The following DPP6 variants were observed in gnomAD, a reference collection of about 807,000 sequenced individuals.
DPP6 encodes dipeptidyl peptidase like 6, also known as A-type potassium channel modulatory protein DPP6.
In DPP6, 69 loss-of-function variants were observed where a neutral mutation model predicts 122.6. That is an observed-to-expected ratio of 0.56 (90% CI 0.46 to 0.69). DPP6 has a LOEUF of 0.69. Ranked by LOEUF, DPP6 falls within the 30% of genes least tolerant of loss-of-function variation. The pLI, the probability that DPP6 is intolerant of heterozygous loss-of-function variation, is 0.00. For missense variants in DPP6, 928 were observed against 1,116.9 expected, an observed-to-expected ratio of 0.83 and a Z score of 2.41; for synonymous variants, 418 against 433.1, an observed-to-expected ratio of 0.97 and a Z score of 0.43.
chr7:154,202,458 T>C (rs1040232648), intron 1 of DPP6, among the ~76,000 whole-genome samples: 1 of 152,134 alleles, frequency 6.6e-6, no homozygotes, highest in Non-Finnish European at 1.5e-5. Context: ...TTAGTAATAA[T>C]CATATATTTT....
At position 154,180,477 on chromosome 7, in the gene DPP6, ATGT is replaced by A. The variant is rs1364764170; in HGVS notation, c.243+127416_243+127418del. Reference sequence around the variant, plus strand: ...TTATATATAGATATATATTTATATAATGTTATATAAATAGATATAGATATATAA... The same window carrying A: ...TTATATATAGATATATATTTATATAATATATAAATAGATATAGATATATAA... On this transcript the variant is annotated intron_variant, in intron 1 of 25. Coordinates refer to ENST00000377770, the MANE Select transcript of DPP6 (RefSeq NM_130797.4). Among the ~76,000 whole-genome samples the A allele has an allele frequency of 4.1e-5, 6 of 145,876 alleles. No homozygotes were observed. The South Asian group carries it at 6.3e-4, about 15-fold the overall frequency.
intron 1 of DPP6, among the ~76,000 whole-genome samples, chr7:154,189,772 A>C (rs1692216020): frequency 6.6e-6 from 1 of 152,116 alleles, no homozygotes; most frequent in Admixed American, 6.5e-5. Context: ...GTTTCAGTGT[A>C]TATCTTTCCA....
intron 16 of DPP6, among the ~76,000 whole-genome samples, chr7:154,838,224 T>C (rs950008251): frequency 1.3e-5 from 2 of 152,216 alleles, no homozygotes; most frequent in Non-Finnish European, 2.9e-5. Flanking sequence ...GTCAGGAATG[T>C]TTTTAGATTC....
intron 7 of DPP6, among the ~76,000 whole-genome samples, chr7:154,691,978 G>A (rs1335513268): frequency 2.0e-5 from 1 of 50,990 alleles, no homozygotes; most frequent in Non-Finnish European, 4.3e-5. Flanking sequence ...CACACGTTGG[G>A]TGGAAACCCA....
chr7:154,228,179 T>C (rs1372813504), intron 1 of DPP6, among the ~76,000 whole-genome samples: 1 of 152,222 alleles, frequency 6.6e-6, no homozygotes, highest in Non-Finnish European at 1.5e-5. Flanking sequence ...TCAAAGTGAA[T>C]CTGACACTTC....
the DPP6 span, among the ~76,000 whole-genome samples, chr7:153,827,823 G>A: frequency 1.3e-5 from 2 of 152,124 alleles, no homozygotes; most frequent in East Asian, 1.9e-4. Flanking sequence ...CAGGGGCTGC[G>A]CTCCCCGTGG....
At chr7:153,771,580 T>C in the DPP6 span, among the ~76,000 whole-genome samples, 1 of 152,164 alleles carries the variant, frequency 6.6e-6, no homozygotes, top group Non-Finnish European at 1.5e-5. Context: ...GCTGAAGTGA[T>C]CCACCTGCCT....
chr7:153,977,889 C>T (rs1796391665), intron 1 of DPP6, among the ~76,000 whole-genome samples: 1 of 151,986 alleles, frequency 6.6e-6, no homozygotes, highest in East Asian at 1.9e-4. Flanking sequence ...CGAACTCATT[C>T]TTTTTATGGC....
intron 1 of DPP6, among the ~76,000 whole-genome samples, chr7:153,908,914 G>A (rs748729143): frequency 1.3e-5 from 2 of 151,694 alleles, no homozygotes; most frequent in South Asian, 2.1e-4. Flanking sequence ...CCACCATGCC[G>A]GGCTAATTTT....
intron 10 of DPP6, among the ~76,000 whole-genome samples, chr7:154,774,327 A>G (rs1033088099): frequency 1.3e-5 from 2 of 152,308 alleles, no homozygotes; most frequent in African/African-American, 2.4e-5. Flanking sequence ...CTAAAGTTCC[A>G]TATATTTTAT....
intron 7 of DPP6, among the ~76,000 whole-genome samples, chr7:154,670,446 G>A (rs1838485829): frequency 6.6e-6 from 1 of 152,254 alleles, no homozygotes; most frequent in Admixed American, 6.5e-5. Context: ...GTAGGCAGCA[G>A]CCCAGCCATG....
At chr7:154,417,661 A>T (rs866036870) in intron 1 of DPP6, among the ~76,000 whole-genome samples, 1 of 152,078 alleles carries the variant, frequency 6.6e-6, no homozygotes, top group Non-Finnish European at 1.5e-5. Context: ...CGGACAGTTC[A>T]TTCATCTTAT....
In DPP6 at chr7:154,564,962, G is replaced by C. The variant is rs546436100; in HGVS notation, c.553-1880G>C. On this transcript the variant is annotated intron_variant, in intron 4 of 25. Transcript: ENST00000377770. ...TTTTGCATGTTTGTAACTTACACTG[G>C]TGATCTCACTGTTGAAAGTGGGTCC... Among the ~76,000 whole-genome samples, 3 of 152,182 alleles carry C rather than the reference G, an allele frequency of 2.0e-5. No homozygotes were observed. In the East Asian group the frequency reaches 5.8e-4, roughly 29 times the overall value.
chr7:154,773,018 G>T, intron 10 of DPP6, 76 bp downstream of exon 10: 1 of 1,410,908 alleles, frequency 7.1e-7, no homozygotes, highest in East Asian at 2.6e-5. Context: ...GTCTCTTCTG[G>T]ATCAGATTTA....
chr7:154,800,085 C>G lies in DPP6; in HGVS notation c.1300-1270C>G, dbSNP rs866900860. Among the ~76,000 whole-genome samples, 9 of 152,322 alleles carry G rather than the reference C, an allele frequency of 5.9e-5. No individual in the cohort carries two copies. The South Asian group carries it at 1.9e-3, about 32-fold the overall frequency. ...CCCAGAAAACTGAAGGAATATAGCG[C>G]TACCCGCCGCACAGTTGGCAAATAG... On this transcript the variant is annotated intron_variant, in intron 12 of 25. Coordinates refer to ENST00000377770, the MANE Select transcript of DPP6 (RefSeq NM_130797.4).
intron 5 of DPP6, chr7:154,588,372 C>G (rs150284515): frequency 7.2e-6 from 3 of 418,286 alleles, no homozygotes; most frequent in South Asian, 4.7e-5. Context: ...TGATGTTGGC[C>G]GACTGTGTCT....
At chr7:153,962,997 C>T (rs868101764) in intron 1 of DPP6, among the ~76,000 whole-genome samples, 5 of 152,242 alleles carry the variant, frequency 3.3e-5, no homozygotes, top group African/African-American at 4.8e-5. Context: ...GACTCTCCTA[C>T]GAAGACTAAA....
chr7:154,092,892 T>G (rs983440358), intron 1 of DPP6: 7 of 152,164 alleles, frequency 4.6e-5, no homozygotes, highest in Admixed American at 3.9e-4. Context: ...ATTTCATTTC[T>G]CCGTCTGCGC....
the DPP6 span, among the ~76,000 whole-genome samples, chr7:153,819,783 AT>A: frequency 6.6e-6 from 1 of 152,198 alleles, no homozygotes; most frequent in South Asian, 2.1e-4. Flanking sequence ...ATATATGCAT[AT>A]TTTATCTCTA....
Sources: gnomAD v4.1 joint callset for allele counts (sites outside exome capture counted in the v4.1 genomes callset) on GRCh38, gnomAD v4.1.1 for gene constraint, MANE v1.5 for transcripts, NCBI Gene and HGNC (gene_info 2026-07-23, HGNC 2026-07-21) for gene names.